Variants in TLK1 observed in about 807,000 individuals in gnomAD.
TLK1 encodes serine/threonine-protein kinase tousled-like 1.
TLK1 carries 24 observed loss-of-function variants against 105.3 expected under a neutral mutation model. The ratio of observed to expected loss-of-function variants is 0.23; its 90% confidence interval spans 0.17 to 0.32. TLK1 has a LOEUF of 0.32. Among genes scored for constraint, TLK1 ranks in the 10% least tolerant of loss-of-function variants. The pLI is 1.00. For synonymous variants in TLK1, 321 were observed against 310.4 expected (o/e 1.03, Z -0.36); for missense variants, 558 against 910.5 (o/e 0.61, Z 4.98).
intron 1 of TLK1, among the ~76,000 whole-genome samples, chr2:171,193,632 A>T (rs1693202315): frequency 7.0e-6 from 1 of 143,240 alleles, no homozygotes; most frequent in Non-Finnish European, 1.5e-5. Flanking sequence ...TGATCTCCTG[A>T]CCTCGTGATC....
chr2:171,058,633 A>T (rs536593743), intron 4 of TLK1, among the ~76,000 whole-genome samples: 2 of 152,156 alleles, frequency 1.3e-5, no homozygotes, highest in Non-Finnish European at 2.9e-5. Context: ...ATTAAATACA[A>T]TGTTTTTTAA....
intron 1 of TLK1, among the ~76,000 whole-genome samples, chr2:171,150,519 TG>T (rs1322523558): frequency 6.6e-6 from 1 of 152,218 alleles, no homozygotes; most frequent in Non-Finnish European, 1.5e-5. Flanking sequence ...GCCACCACAG[TG>T]GCTACCCTTG....
chr2:171,198,606 A>C (rs1169893194), intron 1 of TLK1, among the ~76,000 whole-genome samples: 1 of 152,206 alleles, frequency 6.6e-6, no homozygotes, highest in Non-Finnish European at 1.5e-5. Flanking sequence ...GACTAGATAG[A>C]GTTGGTGGTT....
In TLK1 at chr2:171,055,907, T is replaced by A. The variant is rs190171579; in HGVS notation, c.549+564A>T. 1.2e-3 allele frequency among the ~76,000 whole-genome samples: 181 copies of A among 152,158 alleles called. 1 individual carries two copies. Among genetic ancestry groups the A allele is most frequent in the African/African-American group, 4.1e-3 (172 of 41,570 alleles). On this transcript the variant is annotated intron_variant, in intron 6 of 20. Coordinates refer to ENST00000431350, the MANE Select transcript of TLK1 (RefSeq NM_012290.5). ...CCAATATTGTTTTTCTAGTTAGATATTGAACTTTCACACAATGAAAGTAAA... is the reference window on the plus strand; with the variant it reads ...CCAATATTGTTTTTCTAGTTAGATAATGAACTTTCACACAATGAAAGTAAA...
intron 1 of TLK1, among the ~76,000 whole-genome samples, chr2:171,172,183 G>C (rs1692742605): frequency 6.6e-6 from 1 of 152,186 alleles, no homozygotes; most frequent in Non-Finnish European, 1.5e-5. Context: ...CATACTATGT[G>C]ATTCCATTTA....
At chr2:171,172,453 T>A (rs1312263788) in intron 1 of TLK1, among the ~76,000 whole-genome samples, 1 of 152,118 alleles carries the variant, frequency 6.6e-6, no homozygotes, top group African/African-American at 2.4e-5. Flanking sequence ...ACACACACAA[T>A]ACAAAATTAT....
intron 1 of TLK1, among the ~76,000 whole-genome samples, chr2:171,199,826 A>G (rs1693364332): frequency 6.6e-6 from 1 of 152,220 alleles, no homozygotes; most frequent in Admixed American, 6.5e-5. Flanking sequence ...TGATGTTTTC[A>G]TGTCTTTGTC....
intron 1 of TLK1, among the ~76,000 whole-genome samples, chr2:171,137,298 G>C (rs898116491): frequency 2.0e-5 from 3 of 151,576 alleles, no homozygotes; most frequent in Admixed American, 6.6e-5. Flanking sequence ...AAAAAAGTTT[G>C]CTGACTCATG....
intron 1 of TLK1, among the ~76,000 whole-genome samples, chr2:171,196,145 C>A (rs1356591357): frequency 6.9e-6 from 1 of 145,324 alleles, no homozygotes; most frequent in Non-Finnish European, 1.5e-5. Context: ...GAGATGGAGT[C>A]TCACTCTGCC....
At chr2:171,157,194 G>T (rs1398424130) in intron 1 of TLK1, among the ~76,000 whole-genome samples, 1 of 152,174 alleles carries the variant, frequency 6.6e-6, no homozygotes. Flanking sequence ...GAAAGAAAAT[G>T]CAAGTGTTCT....
At chr2:171,122,907 C>T (rs1441367816) in intron 1 of TLK1, among the ~76,000 whole-genome samples, 1 of 151,668 alleles carries the variant, frequency 6.6e-6, no homozygotes, top group Non-Finnish European at 1.5e-5. Context: ...GGTGTGGTGG[C>T]GGATGCCTGT....
At chr2:171,112,685 C>T (rs1328725037) in intron 2 of TLK1, among the ~76,000 whole-genome samples, 1 of 151,914 alleles carries the variant, frequency 6.6e-6, no homozygotes, top group African/African-American at 2.4e-5. Context: ...TCTACAGAAC[C>T]AACAAACCAT....
chr2:171,088,099 A>G (rs1159939760), intron 2 of TLK1, among the ~76,000 whole-genome samples: 1 of 152,128 alleles, frequency 6.6e-6, no homozygotes, highest in Non-Finnish European at 1.5e-5. Flanking sequence ...GGGGGGCTGA[A>G]GTAGACGGAT....
chr2:171,072,656 T>C (rs1201314025), intron 3 of TLK1, among the ~76,000 whole-genome samples: 1 of 152,072 alleles, frequency 6.6e-6, no homozygotes, highest in African/African-American at 2.4e-5. Flanking sequence ...TAATCCCAGC[T>C]ACTGGGGAGG....
At chr2:171,190,538 A>G (rs1693126142) in intron 1 of TLK1, among the ~76,000 whole-genome samples, 1 of 152,250 alleles carries the variant, frequency 6.6e-6, no homozygotes, top group Non-Finnish European at 1.5e-5. Flanking sequence ...AAAATTTTAC[A>G]TGACATTTCC....
chr2:171,085,371 C>A (rs1688925804), intron 2 of TLK1, among the ~76,000 whole-genome samples: 1 of 148,622 alleles, frequency 6.7e-6, no homozygotes, highest in African/African-American at 2.5e-5. Flanking sequence ...GCCTGGGCAA[C>A]AAGAACAAAA....
intron 8 of TLK1, among the ~76,000 whole-genome samples, chr2:171,051,560 C>T (rs1192884761): frequency 6.6e-6 from 1 of 152,092 alleles, no homozygotes; most frequent in African/African-American, 2.4e-5. Context: ...AGATATAAGC[C>T]ATGAACTAAC....
intron 2 of TLK1, among the ~76,000 whole-genome samples, chr2:171,103,030 G>A (rs1428074847): frequency 6.6e-6 from 1 of 152,014 alleles, no homozygotes; most frequent in East Asian, 1.9e-4. Context: ...TTTGAAGAGG[G>A]GAAATTTGAA....
At chr2:171,129,830 A>AATAACATAAC (rs3084410) in intron 1 of TLK1, among the ~76,000 whole-genome samples, 20,951 of 142,536 alleles carry the variant, frequency 0.15, 1,655 homozygotes, top group Non-Finnish European at 0.16. Flanking sequence ...TAGGTTACCA[A>AATAACATAAC]ATAACATAAC....
Sources: allele counts gnomAD v4.1 joint callset (sites outside exome capture counted in the v4.1 genomes callset), GRCh38; gene constraint gnomAD v4.1.1; transcripts MANE v1.5; gene names NCBI Gene and HGNC (gene_info 2026-07-23, HGNC 2026-07-21).